Variants in MAS1 observed in about 807,000 individuals in gnomAD.
MAS1 encodes MAS1 proto-oncogene, G protein-coupled receptor.
For synonymous variants in MAS1, 163 were observed against 164.2 expected (o/e 0.99, Z 0.05); for missense variants, 387 against 409.7 (o/e 0.94, Z 0.48).
chr6:159,907,917 T>G lies in MAS1; in HGVS notation c.962T>G (p.Val321Gly). The G allele has an allele frequency of 6.3e-7, 1 of 1,598,930 alleles. No homozygotes were observed. Among genetic ancestry groups the G allele is most frequent in the Non-Finnish European group, 8.5e-7 (1 of 1,172,684 alleles). The change falls in exon 3 of 3, where the codon GTT becomes GGT. Residue 321 changes from valine to glycine, a missense_variant. Coordinates refer to ENST00000674077, the MANE Select transcript of MAS1 (RefSeq NM_002377.4). Reference protein sequence around the residue: ...RQKDNCNTVTVETVV With the variant: ...RQKDNCNTVTGETVV ...AAAGACAATTGTAATACGGTCACAGTTGAGACTGTCGTCTAAGAACTGTGA... is the reference window on the plus strand; with the variant it reads ...AAAGACAATTGTAATACGGTCACAGGTGAGACTGTCGTCTAAGAACTGTGA...
chr6:159,913,847 T>C lies in MAS1; in HGVS notation c.*5914T>C, dbSNP rs972086340. On this transcript the variant is annotated 3_prime_UTR_variant, in exon 3 of 3. Coordinates refer to ENST00000674077, the MANE Select transcript of MAS1 (RefSeq NM_002377.4). ...ATGATTTTCTATGAAATTTTGGTCC[T>C]CATTTTAACAAGATTCCTTTTTAAC... is the stretch of plus-strand genomic sequence containing the variant. 1 of 152,260 alleles carries C rather than the reference T, an allele frequency of 6.6e-6. No homozygotes were observed. The highest frequency in any genetic ancestry group is 2.4e-5 in the African/African-American group (1 of 41,470). 9.4% of individuals were successfully genotyped at this position (152,260 alleles called of 1,614,324 possible). A position where few individuals can be genotyped will look rare whatever the true frequency, so the allele number is the denominator to read the frequency against.
At chr6:159,894,835 G>A (rs1185985793) in intron 1 of MAS1, among the ~76,000 whole-genome samples, 1 of 152,208 alleles carries the variant, frequency 6.6e-6, no homozygotes, top group Non-Finnish European at 1.5e-5. Flanking sequence ...ATTGATAATA[G>A]TGATAGCTAG....
chr6:159,906,786 G>T (rs1453669825), intron 2 of MAS1, 134 bp from the exon 3 acceptor site: 11 of 663,166 alleles, frequency 1.7e-5, no homozygotes, highest in Non-Finnish European at 7.5e-6. Flanking sequence ...TTGTGACAAA[G>T]ATAACTGTAG....
chr6:159,896,986 GC>G (rs1203453855), intron 1 of MAS1, among the ~76,000 whole-genome samples: 1 of 152,120 alleles, frequency 6.6e-6, no homozygotes, highest in Non-Finnish European at 1.5e-5. Flanking sequence ...CCATTCTCCT[GC>G]CTCAGCCTCC....
chr6:159,896,403 T>C (rs187904327), intron 1 of MAS1, among the ~76,000 whole-genome samples: 1 of 152,294 alleles, frequency 6.6e-6, no homozygotes, highest in Non-Finnish European at 1.5e-5. Context: ...ATGTTTACAA[T>C]ATGATACTGA....
chr6:159,906,327 C>G (rs925198030), intron 2 of MAS1, among the ~76,000 whole-genome samples: 8 of 152,048 alleles, frequency 5.3e-5, no homozygotes, highest in Non-Finnish European at 7.4e-5. Context: ...GATATTGAAG[C>G]CGTGTAAAAT....
Position 159,908,209 on chromosome 6 carries a change from A to T in MAS1, c.*276A>T, listed in dbSNP as rs1017833117. ...ATGACTTTTGCAGGAAGATTTACAG[A>T]TGTGTACGGGACAAGGTAACAAAAC... is the stretch of plus-strand genomic sequence containing the variant. On this transcript the variant is annotated 3_prime_UTR_variant, in exon 3 of 3. Coordinates refer to ENST00000674077, the MANE Select transcript of MAS1 (RefSeq NM_002377.4). 1 of 287,810 alleles carries T rather than the reference A, an allele frequency of 3.5e-6. No individual in the cohort carries two copies. Among genetic ancestry groups the T allele is most frequent in the African/African-American group, 2.2e-5 (1 of 45,990 alleles). The allele number at this position is 287,810 out of a possible 1,614,324, so 17.8% of individuals were successfully genotyped here.
In MAS1 at chr6:159,914,475, A is replaced by G. The variant is rs1410842748; in HGVS notation, c.*6542A>G. On this transcript the variant is annotated 3_prime_UTR_variant, in exon 3 of 3. Transcript: ENST00000674077. ...CACTGGAACTTAAACATTGCCCTGG[A>G]ACTATATTGCTGCTCTGTCAACATT... 2 of 152,110 alleles carry G rather than the reference A, an allele frequency of 1.3e-5. No individual in the cohort carries two copies. The highest frequency in any genetic ancestry group is 2.4e-5 in the African/African-American group (1 of 41,414). 9.4% of individuals were successfully genotyped at this position (152,110 alleles called of 1,614,324 possible). A position where few individuals can be genotyped will look rare whatever the true frequency, so the allele number is the denominator to read the frequency against.
At chr6:159,902,359 A>G (rs767340026) in intron 2 of MAS1, 6 of 152,186 alleles carry the variant, frequency 3.9e-5, no homozygotes, top group African/African-American at 1.2e-4. Context: ...CCCGAGTCAC[A>G]TGAGGCTCCT....
intron 2 of MAS1, chr6:159,902,266 AAAAGATG>A (rs1317963439): frequency 1.3e-5 from 2 of 152,178 alleles, no homozygotes; most frequent in African/African-American, 2.4e-5. Context: ...GTTTGTAATT[AAAAGATG>A]AAAGCACTTG....
chr6:159,890,599 T>C (rs1463067939), upstream of MAS1, among the ~76,000 whole-genome samples: 1 of 152,244 alleles, frequency 6.6e-6, no homozygotes, highest in Non-Finnish European at 1.5e-5. Context: ...CATAGACTCA[T>C]CTCATCATTA....
chr6:159,897,067 G>A lies in MAS1; in HGVS notation c.-243-2119G>A, dbSNP rs534343407. On this transcript the variant is annotated intron_variant, in intron 1 of 2. Transcript: ENST00000674077. The stretch of plus-strand genomic sequence containing the variant: ...TTTTCTGTATTTCTAGTAGAGACGG[G>A]GTTTCACCATGTTAGCCAGGATGGT... 2.6e-5 allele frequency among the ~76,000 whole-genome samples: 4 copies of A among 152,142 alleles called. No individual in the cohort carries two copies. The East Asian group carries it at 7.7e-4, about 29-fold the overall frequency.
chr6:159,902,455 A>G (rs1460013794), intron 2 of MAS1: 1 of 152,216 alleles, frequency 6.6e-6, no homozygotes, highest in African/African-American at 2.4e-5. Flanking sequence ...ATGCATGCAA[A>G]AGAACATGAA....
chr6:159,890,068 A>C (rs1782679740), upstream of MAS1, among the ~76,000 whole-genome samples: 1 of 152,168 alleles, frequency 6.6e-6, no homozygotes, highest in Non-Finnish European at 1.5e-5. Flanking sequence ...TAAACAAGAG[A>C]AAATGCTACC....
chr6:159,897,156 G>A (rs558294281), intron 1 of MAS1, among the ~76,000 whole-genome samples: 102 of 152,190 alleles, frequency 6.7e-4, no homozygotes, highest in African/African-American at 2.4e-3. Context: ...TTACAGGCCT[G>A]AGCCACCACC....
In MAS1 at chr6:159,913,654, T is replaced by C. The variant is rs1354849397; in HGVS notation, c.*5721T>C. 2.0e-5 allele frequency: 3 copies of C among 152,188 alleles called. No homozygotes were observed. Among genetic ancestry groups the C allele is most frequent in the Non-Finnish European group, 4.4e-5 (3 of 68,028 alleles). 9.4% of individuals were successfully genotyped at this position (152,188 alleles called of 1,614,324 possible). A position where few individuals can be genotyped will look rare whatever the true frequency, so the allele number is the denominator to read the frequency against. On this transcript the variant is annotated 3_prime_UTR_variant, in exon 3 of 3. Transcript: ENST00000674077. The stretch of plus-strand genomic sequence containing the variant: ...GTGGTTTGGGTTTCTTACAACATGG[T>C]GATTGTGTTCTGGAAGGAAGTCTCC...
At position 159,907,532 on chromosome 6, in the gene MAS1, A is replaced by T; in HGVS notation, c.577A>T (p.Ile193Phe). 1.2e-6 allele frequency: 2 copies of T among 1,614,104 alleles called. No homozygotes were observed. The highest frequency in any genetic ancestry group is 1.7e-6 in the Non-Finnish European group (2 of 1,180,018). ...DCRAVIIFIA[I>F]LSFLVFTPLM... The stretch of plus-strand genomic sequence containing the variant: ...CCGAGCAGTCATCATCTTTATAGCC[A>T]TCCTGAGCTTCCTGGTCTTCACGCC... Residue 193 changes from isoleucine (I) to phenylalanine (F), a missense_variant, in exon 3 of 3, where the codon ATC becomes TTC. By Grantham distance (21) the Ile-to-Phe change is conservative. Transcript: ENST00000674077.
At chr6:159,903,221 C>T (rs951877351) in intron 2 of MAS1, among the ~76,000 whole-genome samples, 1 of 152,088 alleles carries the variant, frequency 6.6e-6, no homozygotes, top group South Asian at 2.1e-4. Flanking sequence ...CATTTTTCTC[C>T]TAACCCCACT....
chr6:159,897,030 C>T (rs548828301), intron 1 of MAS1, among the ~76,000 whole-genome samples: 5 of 152,234 alleles, frequency 3.3e-5, no homozygotes, highest in Admixed American at 6.5e-5. Context: ...TCCGCCACCA[C>T]GCCCGGCTAA....
Sources: allele counts gnomAD v4.1 joint callset (sites outside exome capture counted in the v4.1 genomes callset), GRCh38; gene constraint gnomAD v4.1.1; transcripts MANE v1.5; gene names NCBI Gene and HGNC (gene_info 2026-07-23, HGNC 2026-07-21).